IL1RAPL2: variants seen among roughly 807,000 people sequenced by gnomAD.
IL1RAPL2 encodes interleukin 1 receptor accessory protein like 2, also known as X-linked interleukin-1 receptor accessory protein-like 2.
IL1RAPL2 carries 3 observed loss-of-function variants against 44.1 expected under a neutral mutation model. The observed-to-expected ratio is 0.07, with a 90% confidence interval of 0.03 to 0.18. The LOEUF is 0.18. Ranked by LOEUF, IL1RAPL2 falls within the 10% of genes least tolerant of loss-of-function variation. The pLI is 1.00. For missense variants in IL1RAPL2, 391 were observed against 496.4 expected, an observed-to-expected ratio of 0.79 and a Z score of 2.02; for synonymous variants, 181 against 178.8, an observed-to-expected ratio of 1.01 and a Z score of -0.10.
intron 2 of IL1RAPL2, among the ~76,000 whole-genome samples, chrX:105,123,369 C>T (rs964898482): frequency 4.5e-5 from 5 of 110,971 alleles, no homozygotes; most frequent in East Asian, 2.8e-4. Context: ...GAGAGCCCCA[C>T]GTTAGGATGG....
chrX:105,126,106 T>A (rs1053771370), intron 2 of IL1RAPL2, among the ~76,000 whole-genome samples: 9 of 110,994 alleles, frequency 8.1e-5, no homozygotes, highest in Non-Finnish European at 1.7e-4. Flanking sequence ...AAGTTCTTCC[T>A]AAACACTGAG....
At chrX:104,941,428 T>C (rs981556735) in intron 2 of IL1RAPL2, among the ~76,000 whole-genome samples, 4 of 111,930 alleles carry the variant, frequency 3.6e-5, no homozygotes, top group Non-Finnish European at 5.6e-5. Flanking sequence ...CATTGTGGTT[T>C]TGATTTGTAT....
intron 3 of IL1RAPL2, among the ~76,000 whole-genome samples, chrX:105,205,171 A>T (rs1310508332): frequency 1.8e-5 from 2 of 111,066 alleles, no homozygotes; most frequent in African/African-American, 3.3e-5. Context: ...AGAAAGTGAC[A>T]TACAAACTGA....
intron 5 of IL1RAPL2, among the ~76,000 whole-genome samples, chrX:105,408,357 C>T (rs2035665694): frequency 9.0e-6 from 1 of 111,015 alleles, no homozygotes; most frequent in South Asian, 3.8e-4. Flanking sequence ...TTTTCTACCC[C>T]AAGAGCAGGG....
At chrX:104,699,249 A>T (rs1189409984) in intron 2 of IL1RAPL2, among the ~76,000 whole-genome samples, 1 of 111,741 alleles carries the variant, frequency 8.9e-6, no homozygotes. Flanking sequence ...TTTCATTATA[A>T]TATGTAATGA....
At chrX:104,648,293 T>C (rs1444431126) in intron 1 of IL1RAPL2, among the ~76,000 whole-genome samples, 1 of 112,293 alleles carries the variant, frequency 8.9e-6, no homozygotes, top group African/African-American at 3.2e-5. Context: ...TTTAGTCTGT[T>C]ATCAGATTTT....
intron 2 of IL1RAPL2, among the ~76,000 whole-genome samples, chrX:104,927,731 C>T (rs1024202121): frequency 3.6e-5 from 4 of 111,798 alleles, no homozygotes; most frequent in Non-Finnish European, 5.7e-5. Context: ...AGTGGCCTGC[C>T]GTAGAAACAT....
intron 6 of IL1RAPL2, among the ~76,000 whole-genome samples, chrX:105,577,065 T>C (rs918806107): frequency 2.7e-5 from 3 of 111,411 alleles, no homozygotes; most frequent in African/African-American, 9.8e-5. Flanking sequence ...ATTAAAAGCT[T>C]ATCCACAAGA....
intron 7 of IL1RAPL2, among the ~76,000 whole-genome samples, chrX:105,723,094 G>A (rs911318820): frequency 2.2e-4 from 24 of 110,699 alleles, no homozygotes; most frequent in African/African-American, 7.9e-4. Flanking sequence ...TTTACCATAG[G>A]CAATCCAGAG....
chrX:105,767,757 T>C lies in IL1RAPL2; in HGVS notation c.*96T>C, dbSNP rs2038745341. On this transcript the variant is annotated 3_prime_UTR_variant, in exon 11 of 11. Coordinates refer to ENST00000372582, the MANE Select transcript of IL1RAPL2 (RefSeq NM_017416.2). ...ACCTAATAACGTTGTGTTAAAAAAG[T>C]GTTTGAAGAAAAAGGTACAAAAATG... The C allele has an allele frequency of 3.1e-6, 2 of 654,889 alleles. No homozygotes were observed. Among genetic ancestry groups the C allele is most frequent in the South Asian group, 3.2e-5 (1 of 30,858 alleles). 54.0% of individuals were successfully genotyped at this position (654,889 alleles called of 1,213,427 possible). A position where few individuals can be genotyped will look rare whatever the true frequency, so the allele number is the denominator to read the frequency against.
chrX:105,160,616 C>T (rs2033314889), intron 2 of IL1RAPL2, among the ~76,000 whole-genome samples: 1 of 110,925 alleles, frequency 9.0e-6, no homozygotes, highest in Non-Finnish European at 1.9e-5. Flanking sequence ...TTTCATTCTC[C>T]CCAAAACTAA....
At chrX:105,005,736 C>A (rs1195593514) in intron 2 of IL1RAPL2, among the ~76,000 whole-genome samples, 3 of 110,583 alleles carry the variant, frequency 2.7e-5, no homozygotes, top group Non-Finnish European at 5.7e-5. Context: ...TAGTCAATAT[C>A]TAGTCATTTC....
chrX:105,093,154 T>C (rs1188692608), intron 2 of IL1RAPL2, among the ~76,000 whole-genome samples: 1 of 109,273 alleles, frequency 9.2e-6, no homozygotes, highest in Non-Finnish European at 1.9e-5. Context: ...CTAGGGCTTA[T>C]AAATACCCTC....
At chrX:105,606,277 A>G (rs2147824655) in intron 6 of IL1RAPL2, among the ~76,000 whole-genome samples, 1 of 112,069 alleles carries the variant, frequency 8.9e-6, no homozygotes, top group South Asian at 3.7e-4. Flanking sequence ...GAAGACACAC[A>G]AATGGCCAGC....
chrX:104,776,804 A>G (rs1298514515), intron 2 of IL1RAPL2, among the ~76,000 whole-genome samples: 1 of 112,184 alleles, frequency 8.9e-6, no homozygotes, highest in Admixed American at 9.4e-5. Flanking sequence ...AATATCTTAC[A>G]TAATATGGTA....
intron 2 of IL1RAPL2, among the ~76,000 whole-genome samples, chrX:104,790,463 G>A (rs1480141207): frequency 2.7e-5 from 3 of 111,491 alleles, no homozygotes; most frequent in South Asian, 3.8e-4. Flanking sequence ...ATTTTGTTGC[G>A]ATAAGCAGAA....
intron 5 of IL1RAPL2, among the ~76,000 whole-genome samples, chrX:105,425,973 A>G (rs2147748144): frequency 9.1e-6 from 1 of 109,511 alleles, no homozygotes; most frequent in Admixed American, 9.8e-5. Context: ...TATTTCTGCC[A>G]AAACATGTAT....
chrX:105,399,504 TTGTC>T (rs1460286481), intron 5 of IL1RAPL2, among the ~76,000 whole-genome samples: 3 of 111,158 alleles, frequency 2.7e-5, no homozygotes, highest in African/African-American at 6.5e-5. Context: ...CCTATTATGT[TTGTC>T]TGTGTCCCCC....
intron 6 of IL1RAPL2, among the ~76,000 whole-genome samples, chrX:105,671,249 T>A (rs2037822746): frequency 8.9e-6 from 1 of 112,171 alleles, no homozygotes; most frequent in African/African-American, 3.2e-5. Flanking sequence ...GCCTGGCTGG[T>A]TTTTATATTT....
Sources: allele counts gnomAD v4.1 joint callset (sites outside exome capture counted in the v4.1 genomes callset), GRCh38; gene constraint gnomAD v4.1.1; transcripts MANE v1.5; gene names NCBI Gene and HGNC (gene_info 2026-07-23, HGNC 2026-07-21).